The following SEC24B variants were observed in gnomAD, a reference collection of about 807,000 sequenced individuals.
The protein encoded by SEC24B is protein transport protein Sec24B.
Under a neutral mutation model 142.8 loss-of-function variants are expected in SEC24B, and 45 were observed. The observed-to-expected ratio is 0.32, with a 90% CI of 0.25 to 0.40. The LOEUF is 0.40. Ranked by LOEUF, SEC24B falls within the 10% of genes least tolerant of loss-of-function variation. SEC24B has a pLI of 1.00. For synonymous variants in SEC24B, 574 were observed against 568.2 expected, an observed-to-expected ratio of 1.01 and a Z score of -0.15; for missense variants, 1,409 against 1,526.8, an observed-to-expected ratio of 0.92 and a Z score of 1.29.
At chr4:109,453,052 G>A (rs578011032) in intron 1 of SEC24B, among the ~76,000 whole-genome samples, 30 of 152,160 alleles carry the variant, frequency 2.0e-4, no homozygotes, top group African/African-American at 5.8e-4. Flanking sequence ...ATCACATGTC[G>A]GCAGGTTCTG....
At chr4:109,474,301 C>T (rs1186835739) in intron 3 of SEC24B, among the ~76,000 whole-genome samples, 1 of 152,112 alleles carries the variant, frequency 6.6e-6, no homozygotes, top group Non-Finnish European at 1.5e-5. Context: ...TAGATCAAAG[C>T]CCTAACTAAA....
chr4:109,479,968 T>G (rs1733563014), intron 3 of SEC24B, among the ~76,000 whole-genome samples: 1 of 152,234 alleles, frequency 6.6e-6, no homozygotes, highest in South Asian at 2.1e-4. Flanking sequence ...GTTTGTTTCT[T>G]GCATTACCTG....
intron 17 of SEC24B, among the ~76,000 whole-genome samples, chr4:109,526,985 G>A (rs1313306502): frequency 1.3e-5 from 2 of 152,088 alleles, no homozygotes; most frequent in Admixed American, 6.5e-5. Context: ...TTGGGAGGCC[G>A]AGGTGGGTGG....
chr4:109,486,907 G>A (rs1734418884), intron 4 of SEC24B, among the ~76,000 whole-genome samples: 1 of 152,162 alleles, frequency 6.6e-6, no homozygotes, highest in Non-Finnish European at 1.5e-5. Flanking sequence ...GCTCACGCCT[G>A]TAATCCCAGC....
chr4:109,437,717 T>C (rs1234971357), intron 1 of SEC24B, among the ~76,000 whole-genome samples: 1 of 152,190 alleles, frequency 6.6e-6, no homozygotes, highest in Admixed American at 6.5e-5. Flanking sequence ...CTCCACCTCC[T>C]GGGTTCAAGC....
chr4:109,536,037 A>G (rs1725498738), intron 22 of SEC24B, among the ~76,000 whole-genome samples: 1 of 152,194 alleles, frequency 6.6e-6, no homozygotes, highest in African/African-American at 2.4e-5. Flanking sequence ...TGAAATTAAT[A>G]TAAATTCAGT....
At position 109,499,836 on chromosome 4, in the gene SEC24B, CTTTAT is replaced by C. The variant is rs374673596; in HGVS notation, c.1488+4985_1488+4989del. The stretch of plus-strand genomic sequence containing the variant: ...TATTTACTCATACTAAACTTTTTAT[CTTTAT>C]TTTAGAGTGTACTCCTTCTATTTAT... On this transcript the variant is annotated intron_variant, in intron 6 of 23. Coordinates refer to ENST00000265175, the MANE Select transcript of SEC24B (RefSeq NM_006323.5). Among the ~76,000 whole-genome samples, 400 of 151,344 alleles carry C rather than the reference CTTTAT, an allele frequency of 2.6e-3. 1 individual carries two copies. The highest frequency in any genetic ancestry group is 9.2e-3 in the African/African-American group (376 of 40,702).
At chr4:109,485,981 T>G (rs771788674) in intron 4 of SEC24B, among the ~76,000 whole-genome samples, 10 of 152,210 alleles carry the variant, frequency 6.6e-5, no homozygotes, top group Non-Finnish European at 1.2e-4. Flanking sequence ...TGAGGAAAGT[T>G]TGGCTGAAAG....
intron 22 of SEC24B, among the ~76,000 whole-genome samples, chr4:109,536,559 T>C (rs543462101): frequency 1.3e-5 from 2 of 152,340 alleles, no homozygotes; most frequent in Admixed American, 1.3e-4. Context: ...AGATGGAGTC[T>C]CACTCTGTCA....
At position 109,447,368 on chromosome 4, in the gene SEC24B, C is replaced by T. The variant is rs1422400301; in HGVS notation, c.133+13366C>T. 6.6e-5 allele frequency among the ~76,000 whole-genome samples: 10 copies of T among 152,234 alleles called. No homozygotes were observed. The East Asian group carries it at 1.9e-3, about 29-fold the overall frequency. On this transcript the variant is annotated intron_variant, in intron 1 of 23. Coordinates refer to ENST00000265175, the MANE Select transcript of SEC24B (RefSeq NM_006323.5). ...AAAGTTTCAAAAAAGGTATCACATACTCACTTGATCCCCTTCAGAAGCCTC... is the reference window on the plus strand; with the variant it reads ...AAAGTTTCAAAAAAGGTATCACATATTCACTTGATCCCCTTCAGAAGCCTC...
At chr4:109,454,853 T>A (rs1039590424) in intron 1 of SEC24B, among the ~76,000 whole-genome samples, 1 of 152,204 alleles carries the variant, frequency 6.6e-6, no homozygotes, top group African/African-American at 2.4e-5. Context: ...AAGACCCCTA[T>A]TCCAGAGAGG....
chr4:109,434,049 G>C (rs1728127003), intron 1 of SEC24B, 47 bp downstream of exon 1: 1 of 1,051,454 alleles, frequency 9.5e-7, no homozygotes, highest in Non-Finnish European at 1.1e-6. Context: ...CACCGGCTGG[G>C]CGGCCTGCAC....
rs540764676 is a variant in SEC24B, at chr4:109,534,485, G to T, written c.3588+800G>T. On this transcript the variant is annotated intron_variant, in intron 22 of 23. Coordinates refer to ENST00000265175, the MANE Select transcript of SEC24B (RefSeq NM_006323.5). The stretch of plus-strand genomic sequence containing the variant: ...GCCTGTAGTCCCAGCTACTCTGGAG[G>T]CTGAGGCAGGAGAATGGTGTGAACT... Among the ~76,000 whole-genome samples the T allele has an allele frequency of 9.2e-5, 14 of 152,116 alleles. No individual in the cohort carries two copies. In the East Asian group the frequency reaches 2.5e-3, roughly 27 times the overall value.
chr4:109,484,477 TAA>T (rs1489645665), intron 4 of SEC24B, among the ~76,000 whole-genome samples: 1 of 152,188 alleles, frequency 6.6e-6, no homozygotes, highest in African/African-American at 2.4e-5. Context: ...TTAAAATTAA[TAA>T]GTCATTTGTG....
chr4:109,438,295 A>G (rs917149817), intron 1 of SEC24B, among the ~76,000 whole-genome samples: 5 of 152,052 alleles, frequency 3.3e-5, no homozygotes, highest in African/African-American at 1.2e-4. Context: ...TCTTCTTAAA[A>G]CTTTTTGTCT....
At chr4:109,506,714 C>G (rs116368126) in intron 7 of SEC24B, among the ~76,000 whole-genome samples, 1 of 152,228 alleles carries the variant, frequency 6.6e-6, no homozygotes, top group Admixed American at 6.5e-5. Context: ...TCCCTTCCCC[C>G]CATCACCTAA....
chr4:109,539,207 C>T (rs531267491), intron 23 of SEC24B, among the ~76,000 whole-genome samples: 196 of 152,172 alleles, frequency 1.3e-3, no homozygotes, highest in Admixed American at 2.1e-3. Flanking sequence ...GGTGATCCAC[C>T]CACCTCGGCC....
At chr4:109,539,431 A>T in intron 23 of SEC24B, 130 bp from the exon 24 acceptor site, 1 of 653,816 alleles carries the variant, frequency 1.5e-6, no homozygotes, top group Non-Finnish European at 2.7e-6. Flanking sequence ...TACTATTTTT[A>T]GAAATATGCA....
intron 14 of SEC24B, among the ~76,000 whole-genome samples, chr4:109,523,024 C>G (rs901759080): frequency 6.6e-6 from 1 of 152,028 alleles, no homozygotes; most frequent in Non-Finnish European, 1.5e-5. Context: ...GTGAGCCAGA[C>G]CTGTATTTGC....
Sources: gnomAD v4.1 joint callset for allele counts (sites outside exome capture counted in the v4.1 genomes callset) on GRCh38, gnomAD v4.1.1 for gene constraint, MANE v1.5 for transcripts, NCBI Gene and HGNC (gene_info 2026-07-23, HGNC 2026-07-21) for gene names.